DPP10: variants seen among roughly 807,000 people sequenced by gnomAD.
The protein encoded by DPP10 is dipeptidyl peptidase like 10, also known as inactive dipeptidyl peptidase 10.
Under a neutral mutation model 120.9 loss-of-function variants are expected in DPP10, and 33 were observed. That is an observed-to-expected ratio of 0.27 (90% CI 0.21 to 0.37). DPP10 has a LOEUF of 0.37. Ranked by LOEUF, DPP10 falls within the 10% of genes least tolerant of loss-of-function variation. The probability of loss-of-function intolerance (pLI) is 1.00; values close to 1 mark genes in which losing one functional copy is unlikely to be tolerated. For synonymous variants in DPP10, 337 were observed against 326.1 expected (o/e 1.03, Z -0.36); for missense variants, 816 against 942.8 (o/e 0.87, Z 1.76).
In DPP10 at chr2:114,790,347, T is replaced by C. The variant is rs577382513; in HGVS notation, c.60+347509T>C. Reference sequence around the variant, plus strand: ...ATCTAATTTTCATGTTATGCTTGTTTAATTAGGTAATTTACTGTAACATAT... The same window carrying C: ...ATCTAATTTTCATGTTATGCTTGTTCAATTAGGTAATTTACTGTAACATAT... On this transcript the variant is annotated intron_variant, in intron 1 of 25. Transcript: ENST00000410059. 6.6e-5 allele frequency among the ~76,000 whole-genome samples: 10 copies of C among 152,334 alleles called. No homozygotes were observed. In the South Asian group the frequency reaches 2.1e-3, roughly 32 times the overall value.
chr2:114,611,015 G>A (rs114354558), intron 1 of DPP10, among the ~76,000 whole-genome samples: 3,203 of 152,158 alleles, frequency 0.021, 48 homozygotes, highest in Middle Eastern at 0.044. Context: ...ACACAACTGC[G>A]CTGCTTGTGT....
intron 4 of DPP10, among the ~76,000 whole-genome samples, chr2:115,515,216 AAT>A (rs35383074): frequency 0.21 from 31,590 of 151,782 alleles, 3,829 homozygotes; most frequent in East Asian, 0.39. Context: ...GCATATTTCA[AAT>A]ATATATGTAG....
intron 1 of DPP10, among the ~76,000 whole-genome samples, chr2:114,900,900 A>C (rs1190086344): frequency 6.6e-6 from 1 of 152,222 alleles, no homozygotes; most frequent in African/African-American, 2.4e-5. Context: ...TTATGAAAAA[A>C]ACTATGCATG....
At chr2:114,568,808 T>G (rs187809980) in intron 1 of DPP10, among the ~76,000 whole-genome samples, 1 of 152,254 alleles carries the variant, frequency 6.6e-6, no homozygotes, top group African/African-American at 2.4e-5. Flanking sequence ...TTCATTTGCC[T>G]TCTGCATTCT....
chr2:115,133,137 GTGTGTGTGTATATATATATA>G (rs1357260731), intron 1 of DPP10, among the ~76,000 whole-genome samples: 5 of 62,892 alleles, frequency 8.0e-5, no homozygotes, highest in African/African-American at 4.1e-4. Context: ...GTGTGTGTGT[GTGTGTGTGTATATATATATA>G]TATATATATA....
intron 1 of DPP10, among the ~76,000 whole-genome samples, chr2:114,503,591 G>C (rs1013279519): frequency 3.3e-5 from 5 of 152,172 alleles, no homozygotes; most frequent in African/African-American, 1.2e-4. Context: ...TATCCTGAAA[G>C]GGGAGAAATT....
intron 2 of DPP10, among the ~76,000 whole-genome samples, chr2:115,323,338 C>T (rs2062164406): frequency 6.6e-6 from 1 of 152,192 alleles, no homozygotes; most frequent in Admixed American, 6.5e-5. Context: ...AGTTCAGTTT[C>T]ATCTTCATGT....
chr2:115,079,029 C>G (rs1222893197), intron 1 of DPP10, among the ~76,000 whole-genome samples: 1 of 152,166 alleles, frequency 6.6e-6, no homozygotes, highest in Admixed American at 6.5e-5. Context: ...CACACACAGA[C>G]ACACACACTT....
intron 9 of DPP10, among the ~76,000 whole-genome samples, chr2:115,745,342 A>C (rs922584680): frequency 6.6e-6 from 1 of 150,422 alleles, no homozygotes. Context: ...TTTAGTGCCT[A>C]CTATGTGCCA....
chr2:115,576,957 C>T (rs908207777), intron 5 of DPP10, among the ~76,000 whole-genome samples: 1 of 152,190 alleles, frequency 6.6e-6, no homozygotes, highest in African/African-American at 2.4e-5. Context: ...TAACTCTTCT[C>T]AATCTGGGAC....
In DPP10 at chr2:115,836,632, A is replaced by T. The variant is rs763910010; in HGVS notation, c.2110-42A>T. 5.0e-6 allele frequency: 8 copies of T among 1,610,064 alleles called. No individual in the cohort carries two copies. The South Asian group carries it at 8.9e-5, about 18-fold the overall frequency. ...TTCTAAAAAATTAGTTAAATGGCTT[A>T]TTTAGATCTATAGATACAGATATTT... On this transcript the variant is annotated intron_variant, in intron 23 of 25. Transcript: ENST00000410059.
intron 1 of DPP10, chr2:115,162,059 C>A: frequency 6.9e-7 from 1 of 1,444,794 alleles, no homozygotes; most frequent in Non-Finnish European, 9.1e-7. Flanking sequence ...CCAGGCCCTC[C>A]CGGGAGGGGT....
intron 5 of DPP10, among the ~76,000 whole-genome samples, chr2:115,631,791 T>A (rs1220215037): frequency 6.6e-6 from 1 of 152,200 alleles, no homozygotes; most frequent in Non-Finnish European, 1.5e-5. Context: ...TGTTATGATT[T>A]CAGTTCTTTT....
intron 1 of DPP10, among the ~76,000 whole-genome samples, chr2:115,030,556 G>T (rs1206610310): frequency 6.6e-6 from 1 of 152,116 alleles, no homozygotes; most frequent in African/African-American, 2.4e-5. Context: ...TGCCATGGTG[G>T]TTTGCTGCAT....
At chr2:114,589,109 A>T (rs556022079) in intron 1 of DPP10, among the ~76,000 whole-genome samples, 1 of 152,034 alleles carries the variant, frequency 6.6e-6, no homozygotes, top group Admixed American at 6.6e-5. Context: ...GCACCTTACT[A>T]GTGAGCATCC....
At chr2:114,606,783 A>G (rs767244883) in intron 1 of DPP10, among the ~76,000 whole-genome samples, 2 of 152,212 alleles carry the variant, frequency 1.3e-5, no homozygotes, top group Non-Finnish European at 2.9e-5. Flanking sequence ...AGTTCTTGAT[A>G]TGTATTTAAA....
chr2:115,032,779 G>A (rs1703929783), intron 1 of DPP10, among the ~76,000 whole-genome samples: 1 of 151,668 alleles, frequency 6.6e-6, no homozygotes, highest in African/African-American at 2.4e-5. Context: ...CAGCTACTCG[G>A]GAGGCTGAGG....
At chr2:114,808,380 A>C (rs897732555) in intron 1 of DPP10, among the ~76,000 whole-genome samples, 1 of 152,172 alleles carries the variant, frequency 6.6e-6, no homozygotes, top group Non-Finnish European at 1.5e-5. Flanking sequence ...TTCTGAAAGA[A>C]ATATACATAG....
intron 1 of DPP10, among the ~76,000 whole-genome samples, chr2:114,829,899 C>T (rs1007210820): frequency 1.3e-5 from 2 of 152,104 alleles, no homozygotes; most frequent in African/African-American, 4.8e-5. Flanking sequence ...TCTTTTTCTT[C>T]CTTTTCCACT....
Sources: allele counts gnomAD v4.1 joint callset (sites outside exome capture counted in the v4.1 genomes callset), GRCh38; gene constraint gnomAD v4.1.1; transcripts MANE v1.5; gene names NCBI Gene and HGNC (gene_info 2026-07-23, HGNC 2026-07-21).